Variants in TMEM158 observed in about 807,000 individuals in gnomAD.
TMEM158 encodes 40 kDa BINP-binding protein.
A neutral mutation model predicts 12.0 loss-of-function variants in TMEM158; 7 were observed. The ratio of observed to expected loss-of-function variants is 0.59; its 90% CI spans 0.33 to 1.10. The LOEUF is 1.10. TMEM158 is among the 50% of genes least tolerant of loss of function. The pLI is 0.03. For synonymous variants in TMEM158, 209 were observed against 231.1 expected (o/e 0.90, Z 0.87); for missense variants, 405 against 454.7 (o/e 0.89, Z 0.99).
Position 45,225,080 on chromosome 3 carries a change from C to T in TMEM158, c.*45G>A. The T allele has an allele frequency of 1.6e-6, 2 of 1,228,826 alleles. No individual in the cohort carries two copies. The highest frequency in any genetic ancestry group is 2.0e-6 in the Non-Finnish European group (2 of 987,006). 76.1% of individuals were successfully genotyped at this position (1,228,826 alleles called of 1,614,324 possible). A position where few individuals can be genotyped will look rare whatever the true frequency, so the allele number is the denominator to read the frequency against. ...GCCGAGTCTCCGGCGGGAAAGGCAC[C>T]CGCGCGCGCGGACACAGGACGGACA... On this transcript the variant is annotated 3_prime_UTR_variant, in exon 1 of 1. Coordinates refer to ENST00000503771, the MANE Select transcript of TMEM158 (RefSeq NM_015444.3). The surrounding 1 kb of genome is among the most constrained non-coding windows in gnomAD (Gnocchi z 5.7).
At position 45,225,220 on chromosome 3, in the gene TMEM158, G is replaced by GGGTGGCTGCGGT. The variant is rs1487338996; in HGVS notation, c.796_807dup (p.Thr266_Thr269dup). ...GTGGTCCCTGCGGGCACTGCGGCGG[G>GGGTGGCTGCGGT]GGTGGCTGCGGTGGTGCTGGCGGTG... On this transcript the variant is annotated inframe_insertion, in exon 1 of 1. Coordinates refer to ENST00000503771, the MANE Select transcript of TMEM158 (RefSeq NM_015444.3). The surrounding 1 kb of genome is among the most constrained non-coding windows in gnomAD (Gnocchi z 5.7). The GGGTGGCTGCGGT allele has an allele frequency of 7.7e-7, 1 of 1,301,274 alleles. No individual in the cohort carries two copies. Among genetic ancestry groups the GGGTGGCTGCGGT allele is most frequent in the East Asian group, 3.1e-5 (1 of 32,234 alleles). The allele number at this position is 1,301,274 out of a possible 1,614,324, so 80.6% of individuals were successfully genotyped here.
chr3:45,225,116 C>A lies in TMEM158; in HGVS notation c.*9G>T. On this transcript the variant is annotated 3_prime_UTR_variant, in exon 1 of 1. Transcript: ENST00000503771. The surrounding 1 kb of genome is among the most constrained non-coding windows in gnomAD (Gnocchi z 5.7). ...GACACAGGACGGACACAGGGAGGAG[C>A]GGAGCGGGTCACTTGGTCGCCACCC... is the stretch of plus-strand genomic sequence containing the variant. 8.0e-7 allele frequency: 1 copy of A among 1,251,474 alleles called. No individual in the cohort carries two copies. The highest frequency in any genetic ancestry group is 1.0e-6 in the Non-Finnish European group (1 of 1,003,834). The allele number at this position is 1,251,474 out of a possible 1,614,324, so 77.5% of individuals were successfully genotyped here. A position where few individuals can be genotyped will look rare whatever the true frequency, so the allele number is the denominator to read the frequency against.
Position 45,225,764 on chromosome 3 carries a change from C to T in TMEM158, c.264G>A (p.Val88=), listed in dbSNP as rs72556528. The T allele has an allele frequency of 7.7e-6, 11 of 1,429,308 alleles. 1 individual carries two copies. Among genetic ancestry groups the T allele is most frequent in the Non-Finnish European group, 3.7e-6 (4 of 1,086,070 alleles). 88.5% of individuals were successfully genotyped at this position (1,429,308 alleles called of 1,614,324 possible). ...VQRQMLSSLL[V]RWGRPRGFQC... is the part of the protein sequence containing the mutation. ...GGAAGCCCCGCGGGCGGCCCCAGCG[C>T]ACGAGCAGCGAGCTCAGCATCTGCC... is the stretch of plus-strand genomic sequence containing the variant. Residue 88 remains valine (V), a synonymous_variant, in exon 1 of 1, where the codon GTG becomes GTA. Transcript: ENST00000503771. This position sits in a 1 kb window ranked among gnomAD's most constrained non-coding sequence, Gnocchi z 5.7.
Position 45,225,895 on chromosome 3 carries a change from G to A in TMEM158, c.133C>T (p.Pro45Ser). 8.3e-7 allele frequency: 1 copy of A among 1,202,504 alleles called. No individual in the cohort carries two copies. The highest frequency in any genetic ancestry group is 1.0e-6 in the Non-Finnish European group (1 of 972,704). 74.5% of individuals were successfully genotyped at this position (1,202,504 alleles called of 1,614,324 possible). The change falls in exon 1 of 1, where the codon CCC becomes TCC. Residue 45 changes from proline (P) to serine (S), a missense_variant. Physicochemically the swap from Pro to Ser is moderately conservative, Grantham distance 74. Transcript: ENST00000503771. This position sits in a 1 kb window ranked among gnomAD's most constrained non-coding sequence, Gnocchi z 5.7. ...ASVNASSADE[P>S]IAPRLLASAA... is the part of the protein sequence containing the mutation. The stretch of plus-strand genomic sequence containing the variant: ...GAGGCCAGCAGCCGCGGGGCGATGG[G>A]CTCGTCCGCGGAGGACGCGTTGACT...
chr3:45,225,442 G>A lies in TMEM158; in HGVS notation c.586C>T (p.His196Tyr). 1.4e-6 allele frequency: 2 copies of A among 1,397,532 alleles called. No homozygotes were observed. Among genetic ancestry groups the A allele is most frequent in the Non-Finnish European group, 1.9e-6 (2 of 1,059,506 alleles). The allele number at this position is 1,397,532 out of a possible 1,614,324, so 86.6% of individuals were successfully genotyped here. A position where few individuals can be genotyped will look rare whatever the true frequency, so the allele number is the denominator to read the frequency against. The stretch of plus-strand genomic sequence containing the variant: ...AGGCTGAAGTCTAGGCAGCAGAAAT[G>A]CAGCGGCTCGCCCTGCAGCCACAGC... ...GPLWLQGEPL[H>Y]FCCLDFSLEE... Residue 196 changes from histidine (H) to tyrosine (Y), a missense_variant, in exon 1 of 1, where the codon CAT (histidine) becomes TAT (tyrosine). Coordinates refer to ENST00000503771, the MANE Select transcript of TMEM158 (RefSeq NM_015444.3). The surrounding 1 kb of genome is among the most constrained non-coding windows in gnomAD (Gnocchi z 5.7).
rs1481501181 is a variant in TMEM158 at position 45,226,141 on chromosome 3, G to A, written c.-114C>T. On this transcript the variant is annotated 5_prime_UTR_variant, in exon 1 of 1. Coordinates refer to ENST00000503771, the MANE Select transcript of TMEM158 (RefSeq NM_015444.3). ...GGAGCCGGCGGCCGGGCGCAGTGCG[G>A]GCGCGCCGGGCGCCTGCCAAGCCCG... 2.0e-6 allele frequency: 2 copies of A among 979,662 alleles called. No individual in the cohort carries two copies. Among genetic ancestry groups the A allele is most frequent in the African/African-American group, 3.5e-5 (2 of 56,680 alleles). The allele number at this position is 979,662 out of a possible 1,614,324, so 60.7% of individuals were successfully genotyped here.
Position 45,226,082 on chromosome 3 carries a change from G to T in TMEM158, c.-55C>A. The T allele has an allele frequency of 4.1e-6, 4 of 982,278 alleles. No homozygotes were observed. Among genetic ancestry groups the T allele is most frequent in the Non-Finnish European group, 4.8e-6 (4 of 829,168 alleles). The allele number at this position is 982,278 out of a possible 1,614,324, so 60.8% of individuals were successfully genotyped here. ...GCCGGCGGCGGTTGCATGGCGAGCG[G>T]GCGACGGGCCGGCGAGCTCACGGTG... On this transcript the variant is annotated 5_prime_UTR_variant, in exon 1 of 1. Coordinates refer to ENST00000503771, the MANE Select transcript of TMEM158 (RefSeq NM_015444.3).
At position 45,225,974 on chromosome 3, in the gene TMEM158, G is replaced by C. The variant is rs1438542934; in HGVS notation, c.54C>G (p.Val18=). The change falls in exon 1 of 1, where the codon GTC becomes GTG. Residue 18 remains valine (V), a synonymous_variant. Coordinates refer to ENST00000503771, the MANE Select transcript of TMEM158 (RefSeq NM_015444.3). The surrounding 1 kb of genome is among the most constrained non-coding windows in gnomAD (Gnocchi z 5.7). ...CGGGCGCGTCCGCGGCCCCGCCGCG[G>C]ACGGGCGGCAGCGGGCAGGCGGCGG... is the stretch of plus-strand genomic sequence containing the variant. ...LLAAACPLPP[V]RGGAADAPGL... The C allele has an allele frequency of 3.6e-6, 4 of 1,099,502 alleles. No homozygotes were observed. Among genetic ancestry groups the C allele is most frequent in the African/African-American group, 1.7e-5 (1 of 58,290 alleles). The allele number at this position is 1,099,502 out of a possible 1,614,324, so 68.1% of individuals were successfully genotyped here. A position where few individuals can be genotyped will look rare whatever the true frequency, so the allele number is the denominator to read the frequency against.
Position 45,225,852 on chromosome 3 carries a change from G to A in TMEM158, c.176C>T (p.Pro59Leu), listed in dbSNP as rs1700154279. ...CGCCTCCTCCGGGCCCGGGCGCTCG[G>A]GGGGCCCGGGGGCCGCCGAGGCCAG... ...RLLASAAPGP[P>L]ERPGPEEAAA... Residue 59 changes from proline (P) to leucine (L), a missense_variant, in exon 1 of 1, where the codon CCC becomes CTC. Physicochemically the swap from Pro to Leu is moderately conservative, Grantham distance 98 (BLOSUM62 -3). Coordinates refer to ENST00000503771, the MANE Select transcript of TMEM158 (RefSeq NM_015444.3). The surrounding 1 kb of genome is among the most constrained non-coding windows in gnomAD (Gnocchi z 5.7). The A allele has an allele frequency of 2.4e-6, 3 of 1,232,254 alleles. No individual in the cohort carries two copies. Among genetic ancestry groups the A allele is most frequent in the African/African-American group, 1.6e-5 (1 of 61,970 alleles). The allele number at this position is 1,232,254 out of a possible 1,614,324, so 76.3% of individuals were successfully genotyped here. A position where few individuals can be genotyped will look rare whatever the true frequency, so the allele number is the denominator to read the frequency against.
chr3:45,225,562 G>T lies in TMEM158; in HGVS notation c.466C>A (p.Arg156Ser). Residue 156 changes from arginine to serine, a missense_variant, in exon 1 of 1, where the codon CGC becomes AGC. Arg to Ser is a moderately radical substitution (Grantham distance 110). Transcript: ENST00000503771. This position sits in a 1 kb window ranked among gnomAD's most constrained non-coding sequence, Gnocchi z 5.7. Reference sequence around the variant, plus strand: ...CTGGGGGCGGCGGCGGGCCGGAGGCGGCCGGTGCGGCGACCGCGCACCCAG... The same window carrying T: ...CTGGGGGCGGCGGCGGGCCGGAGGCTGCCGGTGCGGCGACCGCGCACCCAG... ...CGWVRGRRTG[R>S]LRPAAAPSAA... is the part of the protein sequence containing the mutation. 1 of 1,071,988 alleles carries T rather than the reference G, an allele frequency of 9.3e-7. No homozygotes were observed. The allele number at this position is 1,071,988 out of a possible 1,614,324, so 66.4% of individuals were successfully genotyped here. A position where few individuals can be genotyped will look rare whatever the true frequency, so the allele number is the denominator to read the frequency against.
In TMEM158 at chr3:45,225,431, G is replaced by C. The variant is rs1221074016; in HGVS notation, c.597C>G (p.Cys199Trp). Residue 199 changes from cysteine to tryptophan, a missense_variant, in exon 1 of 1, where the codon TGC (cysteine) becomes TGG (tryptophan). By Grantham distance (215) the Cys-to-Trp change is radical. Transcript: ENST00000503771. This position sits in a 1 kb window ranked among gnomAD's most constrained non-coding sequence, Gnocchi z 5.7. Reference sequence around the variant, plus strand: ...GCAGCTCCTCCAGGCTGAAGTCTAGGCAGCAGAAATGCAGCGGCTCGCCCT... The same window carrying C: ...GCAGCTCCTCCAGGCTGAAGTCTAGCCAGCAGAAATGCAGCGGCTCGCCCT... ...WLQGEPLHFC[C>W]LDFSLEELQG... 2 of 1,422,222 alleles carry C rather than the reference G, an allele frequency of 1.4e-6. No individual in the cohort carries two copies. The highest frequency in any genetic ancestry group is 1.5e-5 in the South Asian group (1 of 66,586). The allele number at this position is 1,422,222 out of a possible 1,614,324, so 88.1% of individuals were successfully genotyped here.
chr3:45,225,915 T>G lies in TMEM158; in HGVS notation c.113A>C (p.Asn38Thr). Residue 38 changes from asparagine to threonine, a missense_variant, in exon 1 of 1, where the codon AAC becomes ACC. By Grantham distance (65) the Asn-to-Thr change is moderately conservative (BLOSUM62 0). Transcript: ENST00000503771. The surrounding 1 kb of genome is among the most constrained non-coding windows in gnomAD (Gnocchi z 5.7). ...LLGVPSNASVNASSADEPIAP... is the reference protein window; with the variant it reads ...LLGVPSNASVTASSADEPIAP... Reference sequence around the variant, plus strand: ...GATGGGCTCGTCCGCGGAGGACGCGTTGACTGAAGCATTGGAGGGCACCCC... The same window carrying G: ...GATGGGCTCGTCCGCGGAGGACGCGGTGACTGAAGCATTGGAGGGCACCCC... 8.4e-7 allele frequency: 1 copy of G among 1,190,746 alleles called. No homozygotes were observed. The highest frequency in any genetic ancestry group is 1.0e-6 in the Non-Finnish European group (1 of 965,678). 73.8% of individuals were successfully genotyped at this position (1,190,746 alleles called of 1,614,324 possible). A position where few individuals can be genotyped will look rare whatever the true frequency, so the allele number is the denominator to read the frequency against.
In TMEM158 at chr3:45,225,517, C is replaced by CGGCGGT. The variant is rs1197128008; in HGVS notation, c.505_510dup (p.Thr169_Ala170dup). On this transcript the variant is annotated inframe_insertion, in exon 1 of 1. Transcript: ENST00000503771. The surrounding 1 kb of genome is among the most constrained non-coding windows in gnomAD (Gnocchi z 5.7). ...TAGGCTGGCAGCGCGGTGGGCGCCC[C>CGGCGGT]GGCGGTGGCGGCGGCGGCGCTGGGG... 41 of 1,091,212 alleles carry CGGCGGT rather than the reference C, an allele frequency of 3.8e-5. No homozygotes were observed. Among genetic ancestry groups the CGGCGGT allele is most frequent in the Non-Finnish European group, 4.6e-5 (41 of 896,402 alleles). The allele number at this position is 1,091,212 out of a possible 1,614,324, so 67.6% of individuals were successfully genotyped here.
chr3:45,225,396 G>C lies in TMEM158; in HGVS notation c.632C>G (p.Pro211Arg). ...DFSLEELQGEPGWRLNRKPIE... is the reference protein window; with the variant it reads ...DFSLEELQGERGWRLNRKPIE... ...GGGCTTACGGTTCAGCCGCCAGCCC[G>C]GCTCGCCCTGCAGCTCCTCCAGGCT... The change falls in exon 1 of 1, where the codon CCG becomes CGG. Residue 211 changes from proline to arginine, a missense_variant. Pro to Arg is a moderately radical substitution (Grantham distance 103, BLOSUM62 -2). Transcript: ENST00000503771. This position sits in a 1 kb window ranked among gnomAD's most constrained non-coding sequence, Gnocchi z 5.7. The C allele has an allele frequency of 6.7e-7, 1 of 1,486,306 alleles. No individual in the cohort carries two copies. Among genetic ancestry groups the C allele is most frequent in the East Asian group, 2.8e-5 (1 of 35,690 alleles). 92.1% of individuals were successfully genotyped at this position (1,486,306 alleles called of 1,614,324 possible).
Position 45,225,265 on chromosome 3 carries a change from C to A in TMEM158, c.763G>T (p.Gly255Cys). ...GCGGTGGTCCGGCGCTGTTCCATGC[C>A]GTTGGGCAGGAAGCCGGCGATGATG... Reference protein sequence around the residue: ...VPIIAGFLPNGMEQRRTTAST... With the variant: ...VPIIAGFLPNCMEQRRTTAST... The change falls in exon 1 of 1, where the codon GGC (glycine) becomes TGC (cysteine). Residue 255 changes from glycine (G) to cysteine (C), a missense_variant. Gly to Cys is a radical substitution (Grantham distance 159). Coordinates refer to ENST00000503771, the MANE Select transcript of TMEM158 (RefSeq NM_015444.3). This position sits in a 1 kb window ranked among gnomAD's most constrained non-coding sequence, Gnocchi z 5.7. 1 of 1,421,554 alleles carries A rather than the reference C, an allele frequency of 7.0e-7. No homozygotes were observed. The highest frequency in any genetic ancestry group is 1.5e-5 in the African/African-American group (1 of 68,008). 88.1% of individuals were successfully genotyped at this position (1,421,554 alleles called of 1,614,324 possible). A position where few individuals can be genotyped will look rare whatever the true frequency, so the allele number is the denominator to read the frequency against.
Position 45,225,318 on chromosome 3 carries a change from C to A in TMEM158, c.710G>T (p.Ser237Ile). ...CACCGGCCAGATGAGGGCGGCCACGCTCCACACCACGATGACCAGGGTCAT... is the reference window on the plus strand; with the variant it reads ...CACCGGCCAGATGAGGGCGGCCACGATCCACACCACGATGACCAGGGTCAT... ...CFMTLVIVVW[S>I]VAALIWPVPI... is the part of the protein sequence containing the mutation. The change falls in exon 1 of 1, where the codon AGC becomes ATC. Residue 237 changes from serine to isoleucine, a missense_variant. By Grantham distance (142) the Ser-to-Ile change is moderately radical (BLOSUM62 -2). Coordinates refer to ENST00000503771, the MANE Select transcript of TMEM158 (RefSeq NM_015444.3). This position sits in a 1 kb window ranked among gnomAD's most constrained non-coding sequence, Gnocchi z 5.7. The A allele has an allele frequency of 1.3e-6, 2 of 1,511,680 alleles. No homozygotes were observed. Among genetic ancestry groups the A allele is most frequent in the Non-Finnish European group, 1.8e-6 (2 of 1,126,202 alleles). 93.6% of individuals were successfully genotyped at this position (1,511,680 alleles called of 1,614,324 possible).
Position 45,224,953 on chromosome 3 carries a change from T to C in TMEM158, c.*172A>G, listed in dbSNP as rs1700138707. 2 of 1,101,818 alleles carry C rather than the reference T, an allele frequency of 1.8e-6. No individual in the cohort carries two copies. Among genetic ancestry groups the C allele is most frequent in the East Asian group, 7.4e-5 (2 of 26,966 alleles). The allele number at this position is 1,101,818 out of a possible 1,614,324, so 68.3% of individuals were successfully genotyped here. On this transcript the variant is annotated 3_prime_UTR_variant, in exon 1 of 1. Transcript: ENST00000503771. ...GGCTTAAACATCTGCTTTTCGGAAC[T>C]GGAAGCGCAGCACAAACCTTGCTTT...
rs1227765614 is a variant in TMEM158 at position 45,225,523 on chromosome 3, T to TGGCGGC, written c.499_504dup (p.Ala167_Ala168dup). 93 of 1,072,248 alleles carry TGGCGGC rather than the reference T, an allele frequency of 8.7e-5. No homozygotes were observed. The highest frequency in any genetic ancestry group is 1.0e-4 in the Non-Finnish European group (91 of 885,772). The allele number at this position is 1,072,248 out of a possible 1,614,324, so 66.4% of individuals were successfully genotyped here. ...GGCAGCGCGGTGGGCGCCCCGGCGG[T>TGGCGGC]GGCGGCGGCGGCGCTGGGGGCGGCG... On this transcript the variant is annotated inframe_insertion, in exon 1 of 1. Transcript: ENST00000503771. This position sits in a 1 kb window ranked among gnomAD's most constrained non-coding sequence, Gnocchi z 5.7.
rs1179299100 is a variant in TMEM158, at chr3:45,225,081, C to A, written c.*44G>T. ...CCGAGTCTCCGGCGGGAAAGGCACCCGCGCGCGCGGACACAGGACGGACAC... is the reference window on the plus strand; with the variant it reads ...CCGAGTCTCCGGCGGGAAAGGCACCAGCGCGCGCGGACACAGGACGGACAC... On this transcript the variant is annotated 3_prime_UTR_variant, in exon 1 of 1. Transcript: ENST00000503771. The surrounding 1 kb of genome is among the most constrained non-coding windows in gnomAD (Gnocchi z 5.7). 8.2e-7 allele frequency: 1 copy of A among 1,220,176 alleles called. No homozygotes were observed. The allele number at this position is 1,220,176 out of a possible 1,614,324, so 75.6% of individuals were successfully genotyped here. A position where few individuals can be genotyped will look rare whatever the true frequency, so the allele number is the denominator to read the frequency against.
Sources: allele counts gnomAD v4.1 joint callset, GRCh38; gene constraint gnomAD v4.1.1; non-coding constraint Gnocchi (gnomAD v3.1); transcripts MANE v1.5; gene names NCBI Gene and HGNC (gene_info 2026-07-23, HGNC 2026-07-21).